The following ATXN1 variants were observed in gnomAD, a reference collection of about 807,000 sequenced individuals.
ATXN1 encodes the protein ataxin 1, also known as ataxin-1.
In ATXN1, 8 loss-of-function variants were observed where a neutral mutation model predicts 56.4. The ratio of observed to expected loss-of-function variants is 0.14; its 90% CI spans 0.08 to 0.26. The LOEUF is 0.26. Among genes scored for constraint, ATXN1 ranks in the 10% least tolerant of loss-of-function variants. The pLI, the probability that ATXN1 is intolerant of heterozygous loss-of-function variation, is 1.00. For missense variants in ATXN1, 987 were observed against 1,106.5 expected, an observed-to-expected ratio of 0.89 and a Z score of 1.53; for synonymous variants, 514 against 494.6, an observed-to-expected ratio of 1.04 and a Z score of -0.52.
rs561160774 is a variant in ATXN1, at chr6:16,632,994, C to T, written c.-489+24782G>A. On this transcript the variant is annotated intron_variant, in intron 3 of 7. Transcript: ENST00000436367. ...CCTGGGCAACAAGAGCAAAACTCCG[C>T]CTCAAAAAAAAAAAAAAGAAAAGAA... Among the ~76,000 whole-genome samples, 17 of 96,762 alleles carry T rather than the reference C, an allele frequency of 1.8e-4. 1 individual carries two copies. In the East Asian group the frequency reaches 3.9e-3, roughly 22 times the overall value. 63.5% of individuals were successfully genotyped at this position (96,762 alleles called of 152,430 possible).
intron 6 of ATXN1, among the ~76,000 whole-genome samples, chr6:16,338,061 T>C (rs1209727699): frequency 1.1e-4 from 16 of 152,190 alleles, no homozygotes; most frequent in Non-Finnish European, 1.5e-5. Context: ...CTAACAATGA[T>C]GATAATAGAT....
At chr6:16,695,247 T>A (rs1164135113) in intron 2 of ATXN1, among the ~76,000 whole-genome samples, 1 of 152,216 alleles carries the variant, frequency 6.6e-6, no homozygotes, top group Non-Finnish European at 1.5e-5. Context: ...AAGGATACAT[T>A]ATAAATTAGT....
At chr6:16,677,345 GT>G (rs1318637833) in intron 2 of ATXN1, among the ~76,000 whole-genome samples, 1 of 152,086 alleles carries the variant, frequency 6.6e-6, no homozygotes, top group Admixed American at 6.6e-5. Flanking sequence ...TCCCACGTAG[GT>G]AAGAGGACAG....
intron 2 of ATXN1, among the ~76,000 whole-genome samples, chr6:16,743,910 G>A (rs1399633832): frequency 6.6e-6 from 1 of 152,202 alleles, no homozygotes; most frequent in Non-Finnish European, 1.5e-5. Context: ...GATGAGGCTG[G>A]AGAGATAAGG....
At chr6:16,694,061 T>G (rs1251300150) in intron 2 of ATXN1, among the ~76,000 whole-genome samples, 1 of 152,190 alleles carries the variant, frequency 6.6e-6, no homozygotes, top group Non-Finnish European at 1.5e-5. Context: ...GCCTACATGT[T>G]TCAAATAGAC....
intron 2 of ATXN1, among the ~76,000 whole-genome samples, chr6:16,705,311 T>G (rs13219866): frequency 0.45 from 67,665 of 152,026 alleles, 16,098 homozygotes; most frequent in South Asian, 0.54. Flanking sequence ...CTCTGTGAGG[T>G]GACTCAACAG....
At chr6:16,388,811 A>C in intron 6 of ATXN1, among the ~76,000 whole-genome samples, 1 of 152,194 alleles carries the variant, frequency 6.6e-6, no homozygotes, top group Admixed American at 6.5e-5. Flanking sequence ...TGCATCCTAC[A>C]GTCTGTAAAG....
rs1049902837 is a variant in ATXN1 at position 16,671,311 on chromosome 6, T to C, written c.-614-13410A>G. Among the ~76,000 whole-genome samples the C allele has an allele frequency of 2.7e-5, 4 of 148,338 alleles. No individual in the cohort carries two copies. The East Asian group carries it at 5.9e-4, about 22-fold the overall frequency. ...CAATTGGCACTTTTCTTTTCTTTCT[T>C]TTTTTTTTTTTTTGCAGTAACGTAA... On this transcript the variant is annotated intron_variant, in intron 2 of 7. Coordinates refer to ENST00000436367, the MANE Select transcript of ATXN1 (RefSeq NM_001128164.2).
intron 6 of ATXN1, among the ~76,000 whole-genome samples, chr6:16,394,711 A>G (rs972181600): frequency 3.0e-4 from 45 of 152,244 alleles, no homozygotes; most frequent in African/African-American, 1.1e-3. Context: ...TAGATCCATA[A>G]ACCATTTTTC....
At chr6:16,741,900 T>C (rs1760352453) in intron 2 of ATXN1, among the ~76,000 whole-genome samples, 1 of 152,202 alleles carries the variant, frequency 6.6e-6, no homozygotes, top group African/African-American at 2.4e-5. Context: ...TACGGTTCAT[T>C]TGGACGATGT....
chr6:16,728,330 G>A lies in ATXN1; in HGVS notation c.-615+24903C>T, dbSNP rs187543190. On this transcript the variant is annotated intron_variant, in intron 2 of 7. Coordinates refer to ENST00000436367, the MANE Select transcript of ATXN1 (RefSeq NM_001128164.2). ...GCAGCTGGGGAAAACTTTCCGTCCC[G>A]GAGAAGTGGAGATTCATGCTGGGCA... Among the ~76,000 whole-genome samples the A allele has an allele frequency of 1.2e-4, 18 of 152,334 alleles. No homozygotes were observed. The East Asian group carries it at 1.9e-3, about 16-fold the overall frequency.
intron 1 of ATXN1, among the ~76,000 whole-genome samples, chr6:16,758,327 T>A (rs917628922): frequency 2.6e-5 from 4 of 152,232 alleles, no homozygotes; most frequent in African/African-American, 9.6e-5. Flanking sequence ...GGCACCAGAC[T>A]GCAAAAGAAA....
At chr6:16,492,263 G>A (rs1324472022) in intron 5 of ATXN1, among the ~76,000 whole-genome samples, 1 of 151,448 alleles carries the variant, frequency 6.6e-6, no homozygotes, top group Non-Finnish European at 1.5e-5. Context: ...ATCACACTCT[G>A]GGGACTGTAG....
At position 16,308,330 on chromosome 6, in the gene ATXN1, A is replaced by T. The variant is rs935804315; in HGVS notation, c.1918-1471T>A. On this transcript the variant is annotated intron_variant, in intron 7 of 7. Transcript: ENST00000436367. ...GACAGAGTGAAACTCCGTCACACAC[A>T]CACACACACACACACACACACACAC... 1.5e-4 allele frequency among the ~76,000 whole-genome samples: 16 copies of T among 104,342 alleles called. No individual in the cohort carries two copies. The East Asian group carries it at 1.8e-3, about 12-fold the overall frequency. The allele number at this position is 104,342 out of a possible 152,430, so 68.5% of individuals were successfully genotyped here.
intron 6 of ATXN1, among the ~76,000 whole-genome samples, chr6:16,358,928 C>T (rs1271081005): frequency 1.3e-5 from 2 of 152,174 alleles, no homozygotes; most frequent in East Asian, 1.9e-4. Flanking sequence ...CAAGCGGGAG[C>T]CCTGCCCCTT....
chr6:16,745,532 T>C (rs949298858), intron 2 of ATXN1, among the ~76,000 whole-genome samples: 5 of 152,216 alleles, frequency 3.3e-5, no homozygotes, highest in African/African-American at 1.2e-4. Context: ...ATGAACTTGA[T>C]TTATGGACTG....
chr6:16,645,864 T>C (rs1763790505), intron 3 of ATXN1, among the ~76,000 whole-genome samples: 1 of 152,222 alleles, frequency 6.6e-6, no homozygotes, highest in South Asian at 2.1e-4. Context: ...CCAGTATTTA[T>C]GGAGTATTCA....
intron 4 of ATXN1, among the ~76,000 whole-genome samples, chr6:16,584,970 C>T (rs181158647): frequency 2.6e-5 from 4 of 152,066 alleles, no homozygotes; most frequent in East Asian, 1.9e-4. Flanking sequence ...TGGTGGATCA[C>T]GCCTGTAATC....
intron 3 of ATXN1, among the ~76,000 whole-genome samples, chr6:16,655,467 T>C (rs1193983882): frequency 6.6e-6 from 1 of 152,100 alleles, no homozygotes; most frequent in African/African-American, 2.4e-5. Flanking sequence ...GATGGCGTGA[T>C]GACAAACACT....
Sources: allele counts gnomAD v4.1 joint callset (sites outside exome capture counted in the v4.1 genomes callset), GRCh38; gene constraint gnomAD v4.1.1; transcripts MANE v1.5; gene names NCBI Gene and HGNC (gene_info 2026-07-23, HGNC 2026-07-21).